The following MYBL2 variants were observed in gnomAD, a reference collection of about 807,000 sequenced individuals.
MYBL2 encodes the protein myb-related protein B.
MYBL2 carries 28 observed loss-of-function variants against 79.9 expected under a neutral mutation model. The ratio of observed to expected loss-of-function variants is 0.35; its 90% CI spans 0.26 to 0.48. MYBL2 has a LOEUF of 0.48. Ranked by LOEUF, MYBL2 falls within the 20% of genes least tolerant of loss-of-function variation. The probability of loss-of-function intolerance (pLI) is 0.99; values close to 1 mark genes in which losing one functional copy is unlikely to be tolerated. For synonymous variants in MYBL2, 378 were observed against 361.2 expected, an observed-to-expected ratio of 1.05 and a Z score of -0.53; for missense variants, 735 against 893.9, an observed-to-expected ratio of 0.82 and a Z score of 2.27.
intron 10 of MYBL2, among the ~76,000 whole-genome samples, chr20:43,711,105 C>G (rs540804911): frequency 6.6e-6 from 1 of 152,310 alleles, no homozygotes; most frequent in South Asian, 2.1e-4. Flanking sequence ...TAGTGTGGAA[C>G]AAAGGGTTGA....
chr20:43,686,801 G>T (rs1226881137), intron 4 of MYBL2, 51 bp from the exon 5 acceptor site: 23 of 1,565,586 alleles, frequency 1.5e-5, no homozygotes, highest in Non-Finnish European at 1.9e-5. Flanking sequence ...GGCTATGGTG[G>T]GGGCGAGAGA....
chr20:43,712,978 C>G, intron 11 of MYBL2, 24 bp from the exon 12 acceptor site: 1 of 1,576,084 alleles, frequency 6.3e-7, no homozygotes, highest in South Asian at 1.1e-5. Context: ...TCACCCTAAC[C>G]CCCTTCTATC....
intron 2 of MYBL2, among the ~76,000 whole-genome samples, chr20:43,678,239 C>T (rs1476518696): frequency 1.3e-5 from 2 of 151,844 alleles, no homozygotes; most frequent in African/African-American, 2.4e-5. Flanking sequence ...ACCTTCCCTC[C>T]ACTATTGTCC....
intron 2 of MYBL2, among the ~76,000 whole-genome samples, chr20:43,680,611 C>T (rs1417233412): frequency 6.6e-6 from 1 of 152,158 alleles, no homozygotes; most frequent in Admixed American, 6.5e-5. Flanking sequence ...AATTCTTCCT[C>T]ATCCTCCCGA....
In MYBL2 at chr20:43,715,347, C is replaced by T. The variant is rs185837127; in HGVS notation, c.1974+64C>T. ...CGCCTTCTTAGCTCAGGGCTGAGTGCTGGCCATCCCTGGGGGTCCTGCAGT... is the reference window on the plus strand; with the variant it reads ...CGCCTTCTTAGCTCAGGGCTGAGTGTTGGCCATCCCTGGGGGTCCTGCAGT... On this transcript the variant is annotated intron_variant, in intron 13 of 13. Coordinates refer to ENST00000217026, the MANE Select transcript of MYBL2 (RefSeq NM_002466.4). 9.5e-3 allele frequency: 15,231 copies of T among 1,600,010 alleles called. 98 individuals are homozygous for T. Among genetic ancestry groups the T allele is most frequent in the Non-Finnish European group, 0.012 (14,050 of 1,171,590 alleles).
At chr20:43,709,890 G>A in intron 9 of MYBL2, 73 bp from the exon 10 acceptor site, 1 of 1,257,906 alleles carries the variant, frequency 7.9e-7, no homozygotes, top group East Asian at 2.6e-5. Context: ...GGGGGAAGGT[G>A]GAGCCAGGGC....
intron 9 of MYBL2, among the ~76,000 whole-genome samples, chr20:43,706,591 G>A (rs1271233211): frequency 3.3e-5 from 5 of 151,688 alleles, no homozygotes; most frequent in East Asian, 1.9e-4. Flanking sequence ...TCCAAAGTCC[G>A]GCTCAGTGGC....
At chr20:43,689,046 C>T (rs1445511584) in intron 5 of MYBL2, among the ~76,000 whole-genome samples, 2 of 151,820 alleles carry the variant, frequency 1.3e-5, no homozygotes, top group African/African-American at 4.8e-5. Context: ...TGCCTTGGGC[C>T]TCCCGAAGTG....
chr20:43,699,000 G>T (rs886698872), intron 6 of MYBL2, among the ~76,000 whole-genome samples: 10 of 151,852 alleles, frequency 6.6e-5, no homozygotes, highest in Admixed American at 2.6e-4. Context: ...ACTGTACCTG[G>T]TCTTTTTATT....
chr20:43,678,199 A>G (rs1392136319), intron 2 of MYBL2, among the ~76,000 whole-genome samples: 1 of 152,150 alleles, frequency 6.6e-6, no homozygotes, highest in Non-Finnish European at 1.5e-5. Flanking sequence ...TAGGAAAACC[A>G]GAGACCTTTG....
chr20:43,687,319 C>T lies in MYBL2; in HGVS notation c.500+247C>T, dbSNP rs56944112. On this transcript the variant is annotated intron_variant, in intron 5 of 13. Coordinates refer to ENST00000217026, the MANE Select transcript of MYBL2 (RefSeq NM_002466.4). ...GAGGCCTCAGCAAGAAATCGGGAAC[C>T]CTGGAGTCTAGTTCTCATCCTGTTC... is the stretch of plus-strand genomic sequence containing the variant. Among the ~76,000 whole-genome samples, 892 of 152,186 alleles carry T rather than the reference C, an allele frequency of 5.9e-3. 6 individuals carry two copies. The highest frequency in any genetic ancestry group is 0.021 in the African/African-American group (864 of 41,528).
At chr20:43,669,494 TC>T (rs1986810063) in intron 1 of MYBL2, among the ~76,000 whole-genome samples, 1 of 152,174 alleles carries the variant, frequency 6.6e-6, no homozygotes, top group Non-Finnish European at 1.5e-5. Context: ...GTGCCCCACT[TC>T]CCGCTTTGTC....
rs185760390 is a variant in MYBL2 at position 43,703,190 on chromosome 20, G to A, written c.1365+287G>A. Among the ~76,000 whole-genome samples, 175 of 152,290 alleles carry A rather than the reference G, an allele frequency of 1.1e-3. 1 individual carries two copies. The highest frequency in any genetic ancestry group is 2.2e-4 in the Non-Finnish European group (15 of 68,016). ...AATGAAGGAGAGGAAGAGAACTGTC[G>A]TGTTTGTTCAGTCCACGTATGGAAC... is the stretch of plus-strand genomic sequence containing the variant. On this transcript the variant is annotated intron_variant, in intron 8 of 13. Transcript: ENST00000217026.
chr20:43,687,218 C>T, intron 5 of MYBL2, 146 bp downstream of exon 5: 1 of 803,280 alleles, frequency 1.2e-6, no homozygotes, highest in Non-Finnish European at 1.9e-6. Flanking sequence ...CAGAGGCATG[C>T]ATAGTCAGGA....
intron 7 of MYBL2, among the ~76,000 whole-genome samples, chr20:43,700,322 T>C (rs1600559022): frequency 6.6e-6 from 1 of 151,896 alleles, no homozygotes. Flanking sequence ...CCAGAGGAGG[T>C]GGCACTGAAC....
At chr20:43,674,047 C>A (rs1986936584) in intron 2 of MYBL2, 148 bp downstream of exon 2, 5 of 713,734 alleles carry the variant, frequency 7.0e-6, no homozygotes, top group East Asian at 2.8e-5. Context: ...CCTCATGCCT[C>A]TTCTCAGAGC....
chr20:43,716,124 C>G lies in MYBL2; in HGVS notation c.*37C>G, dbSNP rs1439229442. ...TGTCACGAGCCCATTCTCATGTTTACAGGGGTTGTGGGGGCAGAGGGGGTC... is the reference window on the plus strand; with the variant it reads ...TGTCACGAGCCCATTCTCATGTTTAGAGGGGTTGTGGGGGCAGAGGGGGTC... On this transcript the variant is annotated 3_prime_UTR_variant, in exon 14 of 14. Transcript: ENST00000217026. 6.3e-7 allele frequency: 1 copy of G among 1,599,584 alleles called. No individual in the cohort carries two copies. Among genetic ancestry groups the G allele is most frequent in the Admixed American group, 1.7e-5 (1 of 59,666 alleles).
At chr20:43,702,929 T>G in intron 8 of MYBL2, 26 bp downstream of exon 8, 4 of 1,565,222 alleles carry the variant, frequency 2.6e-6, no homozygotes, top group Non-Finnish European at 3.5e-6. Context: ...TCTGGCTGCT[T>G]ATTGGGTCGG....
At chr20:43,680,080 C>T (rs1987108543) in intron 2 of MYBL2, among the ~76,000 whole-genome samples, 1 of 152,016 alleles carries the variant, frequency 6.6e-6, no homozygotes, top group Admixed American at 6.6e-5. Flanking sequence ...GCCCATGCTG[C>T]AGTGCAATGG....
Sources: allele counts gnomAD v4.1 joint callset (sites outside exome capture counted in the v4.1 genomes callset), GRCh38; gene constraint gnomAD v4.1.1; transcripts MANE v1.5; gene names NCBI Gene and HGNC (gene_info 2026-07-23, HGNC 2026-07-21).